NHLRC2: variants seen among roughly 807,000 people sequenced by gnomAD.
NHLRC2 encodes the protein NHL repeat-containing protein 2.
A neutral mutation model predicts 68.1 loss-of-function variants in NHLRC2; 33 were observed. The observed-to-expected ratio is 0.48, with a 90% CI of 0.37 to 0.65. The LOEUF (loss-of-function observed/expected upper bound fraction) is 0.65, where lower values mean the gene tolerates loss of function less well. Ranked by LOEUF, NHLRC2 falls within the 30% of genes least tolerant of loss-of-function variation. The pLI, the probability that NHLRC2 is intolerant of heterozygous loss-of-function variation, is 0.00. For missense variants in NHLRC2, 761 were observed against 853.8 expected, an observed-to-expected ratio of 0.89 and a Z score of 1.35; for synonymous variants, 311 against 309.6, an observed-to-expected ratio of 1.00 and a Z score of -0.05.
At position 113,862,038 on chromosome 10, in the gene NHLRC2, AC is replaced by A. The variant is rs1228096599; in HGVS notation, c.331+3359del. 5.3e-5 allele frequency among the ~76,000 whole-genome samples: 8 copies of A among 152,048 alleles called. 1 individual carries two copies. The highest frequency in any genetic ancestry group is 1.9e-4 in the African/African-American group (8 of 41,482). On this transcript the variant is annotated intron_variant, in intron 2 of 10. Coordinates refer to ENST00000369301, the MANE Select transcript of NHLRC2 (RefSeq NM_198514.4). ...CAGGTGCCTGCGACCACGCCCAGCT[AC>A]TTTTTGTATTTTTTTTAGTAGAGAC... is the stretch of plus-strand genomic sequence containing the variant.
At chr10:113,879,148 GTCC>G (rs1414401354) in intron 3 of NHLRC2, among the ~76,000 whole-genome samples, 1 of 152,116 alleles carries the variant, frequency 6.6e-6, no homozygotes, top group Non-Finnish European at 1.5e-5. Context: ...GTCTTCAGTG[GTCC>G]TCAGGATCTG....
intron 2 of NHLRC2, among the ~76,000 whole-genome samples, chr10:113,869,662 A>G (rs1845903978): frequency 6.6e-6 from 1 of 152,158 alleles, no homozygotes; most frequent in Admixed American, 6.5e-5. Context: ...CACTTCTTCA[A>G]GGAAATGTTG....
chr10:113,905,064 T>C, intron 10 of NHLRC2, 28 bp downstream of exon 10: 1 of 1,095,972 alleles, frequency 9.1e-7, no homozygotes, highest in Non-Finnish European at 1.3e-6. Flanking sequence ...CAAATACTAA[T>C]ACATCATATA....
intron 2 of NHLRC2, among the ~76,000 whole-genome samples, chr10:113,866,845 A>T (rs1171939019): frequency 6.6e-6 from 1 of 151,778 alleles, no homozygotes; most frequent in African/African-American, 2.4e-5. Context: ...TAGCAAAAAG[A>T]TACCAAGCAG....
chr10:113,854,762 G>A lies in NHLRC2; in HGVS notation c.-111G>A. ...GTCATTGGCGTGGAGTGGGGCTAGT[G>A]GAGGGTGAGGTGAATGCGCCGTTTG... On this transcript the variant is annotated 5_prime_UTR_variant, in exon 1 of 11. Coordinates refer to ENST00000369301, the MANE Select transcript of NHLRC2 (RefSeq NM_198514.4). 1 of 820,276 alleles carries A rather than the reference G, an allele frequency of 1.2e-6. No homozygotes were observed. Among genetic ancestry groups the A allele is most frequent in the East Asian group, 2.7e-5 (1 of 36,468 alleles). 50.8% of individuals were successfully genotyped at this position (820,276 alleles called of 1,614,324 possible).
At chr10:113,856,571 T>A (rs1356354429) in intron 1 of NHLRC2, among the ~76,000 whole-genome samples, 1 of 152,238 alleles carries the variant, frequency 6.6e-6, no homozygotes, top group African/African-American at 2.4e-5. Context: ...GTAAGTACAC[T>A]GTTATAAACA....
chr10:113,880,674 G>C (rs151163451), intron 4 of NHLRC2, among the ~76,000 whole-genome samples: 3 of 151,862 alleles, frequency 2.0e-5, no homozygotes, highest in Admixed American at 2.0e-4. Context: ...AATATCCACT[G>C]TACTGTAAGT....
Position 113,854,795 on chromosome 10 carries a change from C to A in NHLRC2, c.-78C>A. 1 of 1,282,544 alleles carries A rather than the reference C, an allele frequency of 7.8e-7. No homozygotes were observed. The highest frequency in any genetic ancestry group is 1.4e-5 in the South Asian group (1 of 69,092). The allele number at this position is 1,282,544 out of a possible 1,614,324, so 79.4% of individuals were successfully genotyped here. ...AGGTGAATGCGCCGTTTGGAAACCA[C>A]AGGACAGTGAACGTTTCGTCTCTCC... On this transcript the variant is annotated 5_prime_UTR_variant, in exon 1 of 11. Transcript: ENST00000369301.
intron 4 of NHLRC2, among the ~76,000 whole-genome samples, chr10:113,883,968 G>A (rs1359704792): frequency 2.0e-5 from 3 of 151,736 alleles, no homozygotes; most frequent in African/African-American, 7.2e-5. Flanking sequence ...TAAAATTTTT[G>A]TTTAGTTAAG....
At chr10:113,895,920 A>G (rs1846172388) in intron 5 of NHLRC2, among the ~76,000 whole-genome samples, 1 of 152,088 alleles carries the variant, frequency 6.6e-6, no homozygotes, top group African/African-American at 2.4e-5. Context: ...AATCATTTAC[A>G]TTTTTTCATG....
At chr10:113,891,117 G>T (rs896706069) in intron 5 of NHLRC2, among the ~76,000 whole-genome samples, 2 of 152,120 alleles carry the variant, frequency 1.3e-5, no homozygotes, top group African/African-American at 4.8e-5. Flanking sequence ...ATGAGATTTG[G>T]GTGGGAACAC....
intron 4 of NHLRC2, among the ~76,000 whole-genome samples, chr10:113,883,072 T>C (rs928200428): frequency 6.6e-6 from 1 of 151,820 alleles, no homozygotes; most frequent in African/African-American, 2.4e-5. Context: ...CTGTAGCTTT[T>C]AATAATGTTT....
chr10:113,900,729 T>TG (rs1198644919), intron 6 of NHLRC2, among the ~76,000 whole-genome samples: 1 of 152,236 alleles, frequency 6.6e-6, no homozygotes, highest in Non-Finnish European at 1.5e-5. Context: ...ATATGTTTCT[T>TG]GAATAAGTGG....
chr10:113,856,078 A>G (rs1411894197), intron 1 of NHLRC2, among the ~76,000 whole-genome samples: 2 of 152,234 alleles, frequency 1.3e-5, no homozygotes, highest in Non-Finnish European at 2.9e-5. Context: ...GGAATCAATT[A>G]TAGCCTATTT....
intron 2 of NHLRC2, among the ~76,000 whole-genome samples, chr10:113,861,945 C>G (rs984720413): frequency 6.6e-6 from 1 of 152,016 alleles, no homozygotes; most frequent in African/African-American, 2.4e-5. Flanking sequence ...GCATCTCGGC[C>G]TACTGCAACC....
At chr10:113,889,366 G>A (rs751136647) in intron 5 of NHLRC2, among the ~76,000 whole-genome samples, 12 of 151,768 alleles carry the variant, frequency 7.9e-5, no homozygotes, top group Middle Eastern at 3.4e-3. Flanking sequence ...TCTCTGACTC[G>A]CATTATTAAT....
At chr10:113,884,771 T>C (rs1042413008) in intron 5 of NHLRC2, among the ~76,000 whole-genome samples, 2 of 151,526 alleles carry the variant, frequency 1.3e-5, no homozygotes, top group African/African-American at 2.4e-5. Flanking sequence ...AAGGAACTTA[T>C]AGTGTCATTA....
chr10:113,914,741 GCA>G lies in NHLRC2; in HGVS notation c.*6208_*6209del. The G allele has an allele frequency of 3.6e-6, 1 of 276,006 alleles. No individual in the cohort carries two copies. The highest frequency in any genetic ancestry group is 4.9e-5 in the Admixed American group (1 of 20,304). The allele number at this position is 276,006 out of a possible 1,614,324, so 17.1% of individuals were successfully genotyped here. A position where few individuals can be genotyped will look rare whatever the true frequency, so the allele number is the denominator to read the frequency against. Reference sequence around the variant, plus strand: ...AAGATTACCTTTTCTTCCCCCTGTGGCACAGTTTATTTAAATGAAGTATTAGC... The same window carrying G: ...AAGATTACCTTTTCTTCCCCCTGTGGCAGTTTATTTAAATGAAGTATTAGC... On this transcript the variant is annotated 3_prime_UTR_variant, in exon 11 of 11. Coordinates refer to ENST00000369301, the MANE Select transcript of NHLRC2 (RefSeq NM_198514.4).
chr10:113,887,419 A>T (rs1198558371), intron 5 of NHLRC2, among the ~76,000 whole-genome samples: 1 of 152,218 alleles, frequency 6.6e-6, no homozygotes, highest in African/African-American at 2.4e-5. Flanking sequence ...AGTATTCACA[A>T]TTGCTAAGAT....
Sources: gnomAD v4.1 joint callset for allele counts (sites outside exome capture counted in the v4.1 genomes callset) on GRCh38, gnomAD v4.1.1 for gene constraint, MANE v1.5 for transcripts, NCBI Gene and HGNC (gene_info 2026-07-23, HGNC 2026-07-21) for gene names.